FER: variants seen among roughly 807,000 people sequenced by gnomAD.
FER encodes the protein tyrosine-protein kinase Fer.
In FER, 63 loss-of-function variants were observed where a neutral mutation model predicts 111.0. The observed-to-expected ratio is 0.57, with a 90% CI of 0.46 to 0.70. The LOEUF (loss-of-function observed/expected upper bound fraction) is 0.70. FER is among the 30% of genes least tolerant of loss of function. The pLI is 0.00. For missense variants in FER, 914 were observed against 954.0 expected (o/e 0.96, Z 0.55); for synonymous variants, 327 against 313.9 (o/e 1.04, Z -0.44).
At chr5:109,014,448 T>C (rs11956572) in intron 13 of FER, among the ~76,000 whole-genome samples, 31,091 of 151,982 alleles carry the variant, frequency 0.2, 3,209 homozygotes, top group Non-Finnish European at 0.22. Flanking sequence ...TATATCTCTG[T>C]TTTGGTACCA....
intron 16 of FER, among the ~76,000 whole-genome samples, chr5:109,077,057 A>T (rs2150009477): frequency 6.6e-6 from 1 of 152,326 alleles, no homozygotes; most frequent in South Asian, 2.1e-4. Flanking sequence ...ATATACCATC[A>T]TAAATGTCAG....
chr5:109,186,869 T>C (rs945441732), intron 19 of FER, among the ~76,000 whole-genome samples: 1 of 152,194 alleles, frequency 6.6e-6, no homozygotes, highest in Admixed American at 6.5e-5. Flanking sequence ...TGGTCCCCAG[T>C]GAGGGGCATG....
chr5:109,157,360 G>A (rs1388467969), intron 17 of FER, among the ~76,000 whole-genome samples: 6 of 152,094 alleles, frequency 3.9e-5, no homozygotes, highest in Non-Finnish European at 7.4e-5. Flanking sequence ...AGTAATGGGG[G>A]AGGCTGTAAA....
intron 17 of FER, among the ~76,000 whole-genome samples, chr5:109,133,504 T>A (rs1752580288): frequency 2.6e-5 from 4 of 152,188 alleles, no homozygotes; most frequent in South Asian, 2.1e-4. Flanking sequence ...GCAATATTTT[T>A]AAAAATATTT....
At chr5:108,975,315 G>A (rs1408091821) in intron 13 of FER, among the ~76,000 whole-genome samples, 2 of 152,204 alleles carry the variant, frequency 1.3e-5, no homozygotes, top group East Asian at 1.9e-4. Flanking sequence ...GGCTTAAAAC[G>A]TAGATGATGG....
intron 16 of FER, among the ~76,000 whole-genome samples, chr5:109,056,308 C>T (rs76717084): frequency 0.11 from 16,673 of 151,860 alleles, 934 homozygotes; most frequent in Non-Finnish European, 0.13. Context: ...AGCCAAGATA[C>T]GGAAAAAAAC....
intron 2 of FER, among the ~76,000 whole-genome samples, chr5:108,787,320 G>A (rs145698429): frequency 9.2e-5 from 14 of 152,276 alleles, no homozygotes; most frequent in African/African-American, 3.4e-4. Flanking sequence ...AAGCGTAGGA[G>A]GGGGGCCGCA....
intron 1 of FER, among the ~76,000 whole-genome samples, chr5:108,758,223 G>T (rs796834465): frequency 1.8e-4 from 27 of 152,280 alleles, no homozygotes; most frequent in African/African-American, 6.5e-4. Flanking sequence ...TTAGCTTATG[G>T]GTACAGATAT....
At chr5:108,786,760 A>G (rs1473131685) in intron 2 of FER, among the ~76,000 whole-genome samples, 2 of 152,154 alleles carry the variant, frequency 1.3e-5, no homozygotes, top group Non-Finnish European at 1.5e-5. Context: ...TCAGCCTCCC[A>G]AAGTGCTGGG....
chr5:108,982,914 T>C (rs1168329124), intron 13 of FER, among the ~76,000 whole-genome samples: 1 of 152,080 alleles, frequency 6.6e-6, no homozygotes, highest in Non-Finnish European at 1.5e-5. Context: ...GTGATAATTT[T>C]ACCTCATTGG....
intron 1 of FER, among the ~76,000 whole-genome samples, chr5:108,750,869 T>G (rs1032210633): frequency 6.6e-6 from 1 of 152,160 alleles, no homozygotes; most frequent in African/African-American, 2.4e-5. Flanking sequence ...CATTAAGGAA[T>G]AGAGGAACTG....
chr5:108,759,541 A>G (rs1751485225), intron 1 of FER, among the ~76,000 whole-genome samples: 2 of 152,224 alleles, frequency 1.3e-5, no homozygotes, highest in African/African-American at 4.8e-5. Context: ...TCTATAACAG[A>G]ATACCACAGA....
intron 13 of FER, among the ~76,000 whole-genome samples, chr5:109,011,779 C>A (rs1486429754): frequency 6.6e-6 from 1 of 152,120 alleles, no homozygotes; most frequent in Non-Finnish European, 1.5e-5. Flanking sequence ...GGGCTGCTTC[C>A]TCTTTTATTT....
At chr5:108,926,086 A>C (rs1453051681) in intron 10 of FER, among the ~76,000 whole-genome samples, 1 of 151,360 alleles carries the variant, frequency 6.6e-6, no homozygotes, top group African/African-American at 2.4e-5. Flanking sequence ...TTTTATACAC[A>C]GTCATTGTCT....
chr5:108,894,601 CA>C, intron 9 of FER: 1 of 378,224 alleles, frequency 2.6e-6, no homozygotes, highest in Non-Finnish European at 5.2e-6. Flanking sequence ...TGCTTGCCCT[CA>C]AGGGACTTGA....
intron 17 of FER, among the ~76,000 whole-genome samples, chr5:109,151,782 G>A (rs1031919225): frequency 3.3e-5 from 5 of 152,174 alleles, no homozygotes; most frequent in Middle Eastern, 3.4e-3. Context: ...TTTTACAGAC[G>A]AAGTTATGAG....
At chr5:108,796,485 G>A (rs1208984119) in intron 2 of FER, among the ~76,000 whole-genome samples, 1 of 152,194 alleles carries the variant, frequency 6.6e-6, no homozygotes, top group Non-Finnish European at 1.5e-5. Context: ...TAGGCTCCAA[G>A]TGGGTCCAGA....
rs1759627301 is a variant in FER at position 109,194,888 on chromosome 5, C to T, written c.*7313C>T. On this transcript the variant is annotated 3_prime_UTR_variant, in exon 20 of 20. Coordinates refer to ENST00000281092, the MANE Select transcript of FER (RefSeq NM_005246.4). ...TGGACAGTATTTATGAAACAAAAAA[C>T]TAAATGCCCCCCATTTGGGGACGGG... 6.6e-6 allele frequency: 1 copy of T among 152,148 alleles called. No individual in the cohort carries two copies. The highest frequency in any genetic ancestry group is 6.6e-5 in the Admixed American group (1 of 15,266). 9.4% of individuals were successfully genotyped at this position (152,148 alleles called of 1,614,324 possible).
intron 13 of FER, among the ~76,000 whole-genome samples, chr5:109,002,105 A>C (rs1764857500): frequency 1.3e-5 from 2 of 151,262 alleles, no homozygotes; most frequent in Non-Finnish European, 3.0e-5. Flanking sequence ...CTTTCTTCAC[A>C]GAATTGGAAA....
Sources: allele counts gnomAD v4.1 joint callset (sites outside exome capture counted in the v4.1 genomes callset), GRCh38; gene constraint gnomAD v4.1.1; transcripts MANE v1.5; gene names NCBI Gene and HGNC (gene_info 2026-07-23, HGNC 2026-07-21).